The following DPY19L4 variants were observed in gnomAD, a reference collection of about 807,000 sequenced individuals.
DPY19L4 encodes the protein dpy-19 like 4, also known as probable C-mannosyltransferase DPY19L4.
DPY19L4 carries 97 observed loss-of-function variants against 102.8 expected under a neutral mutation model. The ratio of observed to expected loss-of-function variants is 0.94; its 90% CI spans 0.80 to 1.12. DPY19L4 has a LOEUF of 1.12. Ranked by LOEUF, DPY19L4 falls within the 50% of genes most tolerant of loss-of-function variation. The pLI is 0.00. For missense variants in DPY19L4, 815 were observed against 850.4 expected (o/e 0.96, Z 0.52); for synonymous variants, 252 against 283.1 (o/e 0.89, Z 1.10).
intron 13 of DPY19L4, among the ~76,000 whole-genome samples, chr8:94,770,843 T>C (rs576149956): frequency 1.3e-5 from 2 of 151,632 alleles, no homozygotes; most frequent in Non-Finnish European, 2.9e-5. Flanking sequence ...TGAGCCGAGA[T>C]TGCGCCACTG....
chr8:94,730,526 A>T (rs1810899027), intron 2 of DPY19L4, among the ~76,000 whole-genome samples: 1 of 151,558 alleles, frequency 6.6e-6, no homozygotes, highest in Non-Finnish European at 1.5e-5. Flanking sequence ...TGGGGGGATC[A>T]CCTGAGGTCG....
chr8:94,777,530 T>G, intron 13 of DPY19L4, 136 bp from the exon 14 acceptor site: 1 of 1,075,728 alleles, frequency 9.3e-7, no homozygotes, highest in Middle Eastern at 3.2e-4. Flanking sequence ...TGCTGAAAAT[T>G]AGAGTCTAAG....
intron 7 of DPY19L4, among the ~76,000 whole-genome samples, chr8:94,760,079 A>G (rs55824750): frequency 0.026 from 3,917 of 152,294 alleles, 170 homozygotes; most frequent in African/African-American, 0.089. Flanking sequence ...CAGAACCTTG[A>G]AAATGCTCAG....
At chr8:94,752,585 CAAAAAAAA>C (rs370640228) in intron 6 of DPY19L4, among the ~76,000 whole-genome samples, 4,359 of 80,196 alleles carry the variant, frequency 0.054, 116 homozygotes, top group Admixed American at 0.066. Flanking sequence ...GACTCCATCT[CAAAAAAAA>C]AAAAAAAAAA....
chr8:94,752,755 C>G (rs987037111), intron 6 of DPY19L4, among the ~76,000 whole-genome samples: 2 of 150,804 alleles, frequency 1.3e-5, no homozygotes, highest in Non-Finnish European at 3.0e-5. Flanking sequence ...AGCTCCGCCA[C>G]CCCGGTTCAC....
Position 94,744,765 on chromosome 8 carries a change from C to A in DPY19L4, c.611+4975C>A, listed in dbSNP as rs76964210. ...TGAGAATTGTAAGAAATAAAATAAA[C>A]AGAAGTCTGACTGCCTTATTTGATG... On this transcript the variant is annotated intron_variant, in intron 6 of 18. Coordinates refer to ENST00000414645, the MANE Select transcript of DPY19L4 (RefSeq NM_181787.3). 4.2e-3 allele frequency: 1,446 copies of A among 343,720 alleles called. 22 individuals carry two copies. The highest frequency in any genetic ancestry group is 0.029 in the African/African-American group (1,340 of 46,710). 21.3% of individuals were successfully genotyped at this position (343,720 alleles called of 1,614,324 possible). A position where few individuals can be genotyped will look rare whatever the true frequency, so the allele number is the denominator to read the frequency against.
chr8:94,765,724 A>G lies in DPY19L4; in HGVS notation c.1016A>G (p.Lys339Arg). Residue 339 changes from lysine (K) to arginine (R), a missense_variant, in exon 10 of 19, where the codon AAA (lysine) becomes AGA (arginine). Transcript: ENST00000414645. The part of the protein sequence containing the change: ...LAKCLQLNVK[K>R]GSFVAKIIKV... ...TTTCCTCCACAGCTGAATGTGAAGA[A>G]AGGAAGTTTTGTAGCTAAAATAATA... The G allele has an allele frequency of 6.2e-7, 1 of 1,601,584 alleles. No homozygotes were observed. Among genetic ancestry groups the G allele is most frequent in the East Asian group, 2.2e-5 (1 of 44,700 alleles).
chr8:94,725,372 T>G (rs542329315), intron 1 of DPY19L4, among the ~76,000 whole-genome samples: 6 of 152,376 alleles, frequency 3.9e-5, no homozygotes, highest in Admixed American at 2.0e-4. Context: ...AGTACATTCC[T>G]GTTCATCTTG....
rs772814589 is a variant in DPY19L4 at position 94,770,430 on chromosome 8, A to G, written c.1335-22A>G. ...TACAAATACATTTTCAAAGTATTAA[A>G]AAATACATTTTCTTTTTGTAGTGGT... is the stretch of plus-strand genomic sequence containing the variant. On this transcript the variant is annotated intron_variant, in intron 12 of 18. Coordinates refer to ENST00000414645, the MANE Select transcript of DPY19L4 (RefSeq NM_181787.3). 1.1e-5 allele frequency: 17 copies of G among 1,592,148 alleles called. No homozygotes were observed. The Admixed American group carries it at 1.9e-4, about 17-fold the overall frequency.
In DPY19L4 at chr8:94,752,139, G is replaced by C. The variant is rs76808172; in HGVS notation, c.612-3897G>C. On this transcript the variant is annotated intron_variant, in intron 6 of 18. Coordinates refer to ENST00000414645, the MANE Select transcript of DPY19L4 (RefSeq NM_181787.3). ...TGCCAAACTGTTTTCTAAAGTGATC[G>C]TACCATTCTATTTTTCTATCAAAAT... 4.8e-3 allele frequency among the ~76,000 whole-genome samples: 726 copies of C among 152,054 alleles called. 5 individuals carry two copies. Among genetic ancestry groups the C allele is most frequent in the African/African-American group, 0.017 (698 of 41,472 alleles).
chr8:94,768,550 T>A lies in DPY19L4; in HGVS notation c.1331T>A (p.Ile444Asn), dbSNP rs1812781558. The stretch of plus-strand genomic sequence containing the variant: ...ATGTTGCAAGTTATTTTTAGGAGGA[T>A]TAAGTAAGTACCTATGAGAATCAAT... ...LSMLQVIFRR[I>N]NGKSLKETVT... The change falls in exon 12 of 19, where the codon ATT (isoleucine) becomes AAT (asparagine). Residue 444 changes from isoleucine to asparagine, a missense_variant. By Grantham distance (149) the Ile-to-Asn change is moderately radical. Coordinates refer to ENST00000414645, the MANE Select transcript of DPY19L4 (RefSeq NM_181787.3). 1 of 1,469,064 alleles carries A rather than the reference T, an allele frequency of 6.8e-7. No individual in the cohort carries two copies. The highest frequency in any genetic ancestry group is 1.4e-5 in the African/African-American group (1 of 70,602). 91.0% of individuals were successfully genotyped at this position (1,469,064 alleles called of 1,614,324 possible).
intron 16 of DPY19L4, among the ~76,000 whole-genome samples, chr8:94,782,764 C>T (rs1813487959): frequency 6.6e-6 from 1 of 152,114 alleles, no homozygotes; most frequent in South Asian, 2.1e-4. Flanking sequence ...AAATAGTTTT[C>T]TTTAGATCAC....
In DPY19L4 at chr8:94,726,318, T is replaced by C; in HGVS notation, c.17-13T>C. On this transcript the variant is annotated splice_polypyrimidine_tract_variant and intron_variant, in intron 1 of 18. Transcript: ENST00000414645. ...TTATACACACATTGCAATAATGTCTTAAATATTTTAAGGACCACCTGTAGA... is the reference window on the plus strand; with the variant it reads ...TTATACACACATTGCAATAATGTCTCAAATATTTTAAGGACCACCTGTAGA... The C allele has an allele frequency of 6.3e-7, 1 of 1,586,658 alleles. No individual in the cohort carries two copies. The highest frequency in any genetic ancestry group is 8.5e-7 in the Non-Finnish European group (1 of 1,171,786).
At chr8:94,736,019 A>C (rs920579191) in intron 3 of DPY19L4, among the ~76,000 whole-genome samples, 9 of 152,278 alleles carry the variant, frequency 5.9e-5, no homozygotes, top group African/African-American at 1.9e-4. Context: ...ACAGAAATTT[A>C]TTTCTCACAG....
intron 14 of DPY19L4, among the ~76,000 whole-genome samples, chr8:94,779,495 ACT>A (rs1813335409): frequency 4.3e-5 from 2 of 46,634 alleles, no homozygotes; most frequent in Admixed American, 6.0e-4. Context: ...GCTAATTAAA[ACT>A]TTTTTTTTTT....
chr8:94,766,903 A>G (rs1812699064), intron 11 of DPY19L4, among the ~76,000 whole-genome samples: 1 of 151,546 alleles, frequency 6.6e-6, no homozygotes, highest in Admixed American at 6.6e-5. Flanking sequence ...CAAACAAACA[A>G]ACAAAAAACA....
chr8:94,767,531 A>G (rs530799027), intron 11 of DPY19L4, among the ~76,000 whole-genome samples: 1 of 152,182 alleles, frequency 6.6e-6, no homozygotes, highest in East Asian at 1.9e-4. Context: ...CTGACTCGTG[A>G]TCTGCCCGCC....
At chr8:94,786,495 G>A (rs1586431206) in intron 17 of DPY19L4, among the ~76,000 whole-genome samples, 1 of 151,550 alleles carries the variant, frequency 6.6e-6, no homozygotes, top group Admixed American at 6.6e-5. Flanking sequence ...ACTCTGGTAC[G>A]GTATGGATTT....
intron 7 of DPY19L4, among the ~76,000 whole-genome samples, chr8:94,760,088 A>G (rs1812337404): frequency 6.6e-6 from 1 of 152,224 alleles, no homozygotes; most frequent in Admixed American, 6.5e-5. Context: ...GAAAATGCTC[A>G]GGGAAAGGAA....
Sources: gnomAD v4.1 joint callset for allele counts (sites outside exome capture counted in the v4.1 genomes callset) on GRCh38, gnomAD v4.1.1 for gene constraint, MANE v1.5 for transcripts, NCBI Gene and HGNC (gene_info 2026-07-23, HGNC 2026-07-21) for gene names.